COX16: variants seen among roughly 807,000 people sequenced by gnomAD.
COX16 encodes the protein cytochrome c oxidase assembly protein COX16 homolog, mitochondrial.
Under a neutral mutation model 15.4 loss-of-function variants are expected in COX16, and 12 were observed. The ratio of observed to expected loss-of-function variants is 0.78; its 90% confidence interval spans 0.50 to 1.26. COX16 has a LOEUF of 1.26. Among genes scored for constraint, COX16 ranks in the 50% most tolerant of loss-of-function variants. The pLI, the probability that COX16 is intolerant of heterozygous loss-of-function variation, is 0.00. For missense variants in COX16, 124 were observed against 127.6 expected (o/e 0.97, Z 0.14); for synonymous variants, 46 against 41.1 (o/e 1.12, Z -0.46).
intron 2 of COX16, among the ~76,000 whole-genome samples, chr14:70,330,148 T>C (rs558179030): frequency 1.3e-5 from 2 of 151,770 alleles, no homozygotes; most frequent in Admixed American, 1.3e-4. Context: ...CAAAGTGAAG[T>C]TGATTAAGAG....
chr14:70,356,383 G>C (rs1887126634), intron 1 of COX16, among the ~76,000 whole-genome samples: 1 of 152,070 alleles, frequency 6.6e-6, no homozygotes, highest in Non-Finnish European at 1.5e-5. Flanking sequence ...GTGGAGCTCA[G>C]GCAATAATGC....
chr14:70,351,429 T>C (rs1271795373), intron 1 of COX16, among the ~76,000 whole-genome samples: 7 of 152,214 alleles, frequency 4.6e-5, no homozygotes, highest in Non-Finnish European at 4.4e-5. Flanking sequence ...GTTTAACAAA[T>C]AGAATACTGC....
intron 2 of COX16, among the ~76,000 whole-genome samples, chr14:70,335,825 T>C (rs976455055): frequency 4.6e-5 from 7 of 152,130 alleles, no homozygotes; most frequent in African/African-American, 1.7e-4. Flanking sequence ...GAATTTCACA[T>C]ATATAATATT....
intron 1 of COX16, among the ~76,000 whole-genome samples, chr14:70,350,613 C>G (rs1886926282): frequency 6.6e-6 from 1 of 152,198 alleles, no homozygotes; most frequent in African/African-American, 2.4e-5. Flanking sequence ...TAAATGTATT[C>G]TCTAAAAACA....
intron 1 of COX16, among the ~76,000 whole-genome samples, chr14:70,347,142 C>T (rs758130335): frequency 6.6e-6 from 1 of 152,088 alleles, no homozygotes; most frequent in Non-Finnish European, 1.5e-5. Flanking sequence ...ATCCCCCAAG[C>T]AGCTCTCATA....
At chr14:70,357,756 G>A (rs1424258780) in intron 1 of COX16, among the ~76,000 whole-genome samples, 1 of 152,282 alleles carries the variant, frequency 6.6e-6, no homozygotes, top group Non-Finnish European at 1.5e-5. Context: ...ACAAGTGTTG[G>A]CAAGGATGTG....
At chr14:70,334,348 C>T (rs1042526977) in intron 2 of COX16, among the ~76,000 whole-genome samples, 4 of 152,068 alleles carry the variant, frequency 2.6e-5, no homozygotes, top group Non-Finnish European at 5.9e-5. Flanking sequence ...CATGGCAAAA[C>T]CCCGTCTCTA....
At position 70,326,167 on chromosome 14, in the gene COX16, A is replaced by T; in HGVS notation, c.*166T>A. The T allele has an allele frequency of 2.3e-6, 1 of 429,390 alleles. No homozygotes were observed. Among genetic ancestry groups the T allele is most frequent in the Non-Finnish European group, 3.8e-6 (1 of 265,336 alleles). 26.6% of individuals were successfully genotyped at this position (429,390 alleles called of 1,614,324 possible). A position where few individuals can be genotyped will look rare whatever the true frequency, so the allele number is the denominator to read the frequency against. ...AGATGGAATAGCTGGGAAGTATAAAAACCTGTACATGACCTTTAGTGAAGA... is the reference window on the plus strand; with the variant it reads ...AGATGGAATAGCTGGGAAGTATAAATACCTGTACATGACCTTTAGTGAAGA... On this transcript the variant is annotated 3_prime_UTR_variant, in exon 4 of 4. Transcript: ENST00000389912.
intron 1 of COX16, among the ~76,000 whole-genome samples, chr14:70,353,322 G>A (rs1170971013): frequency 5.4e-5 from 8 of 149,358 alleles, no homozygotes; most frequent in Non-Finnish European, 8.9e-5. Flanking sequence ...TTCTGAAGCT[G>A]AAAGATGTAG....
At chr14:70,342,559 A>C in intron 2 of COX16, 99 bp downstream of exon 2, 1 of 1,162,946 alleles carries the variant, frequency 8.6e-7, no homozygotes, top group Non-Finnish European at 1.2e-6. Context: ...TTGAAAAGCA[A>C]GACAAACTCA....
Position 70,326,381 on chromosome 14 carries a change from G to A in COX16, c.273C>T (p.Asp91=). ...IRGPRPWEDP[D]LLQGRNPESL... ...TTTCTGGATTTCTTCCTTGGAGGAG[G>A]TCAGGATCTTCCCAAGGCCTGGGTC... The change falls in exon 4 of 4, where the codon GAC becomes GAT. Residue 91 remains aspartate, a synonymous_variant. Transcript: ENST00000389912. The A allele has an allele frequency of 6.3e-7, 1 of 1,597,264 alleles. No individual in the cohort carries two copies. Among genetic ancestry groups the A allele is most frequent in the East Asian group, 2.3e-5 (1 of 44,206 alleles).
intron 1 of COX16, among the ~76,000 whole-genome samples, chr14:70,344,984 C>T (rs1392385039): frequency 1.3e-5 from 2 of 150,256 alleles, no homozygotes; most frequent in Non-Finnish European, 1.5e-5. Flanking sequence ...TCCTCACCAC[C>T]TCATGTTGTC....
chr14:70,357,157 T>G (rs1887148431), intron 1 of COX16, among the ~76,000 whole-genome samples: 1 of 33,964 alleles, frequency 2.9e-5, no homozygotes, highest in Non-Finnish European at 6.5e-5. Context: ...GAAGCGTTTG[T>G]CAAAAAAAAA....
intron 1 of COX16, among the ~76,000 whole-genome samples, chr14:70,346,683 T>C (rs1010811421): frequency 2.0e-5 from 3 of 152,170 alleles, no homozygotes; most frequent in African/African-American, 7.2e-5. Context: ...CAGTATTTTT[T>C]TTTTAATTAA....
At chr14:70,336,259 A>C (rs533598322) in intron 2 of COX16, among the ~76,000 whole-genome samples, 1 of 115,690 alleles carries the variant, frequency 8.6e-6, no homozygotes, top group South Asian at 3.3e-4. Flanking sequence ...TCGTCTCAAA[A>C]AAACAAAAAA....
chr14:70,328,071 G>GTTTTTTTTTTTTT (rs1594905215), intron 3 of COX16: 4 of 59,068 alleles, frequency 6.8e-5, no homozygotes, highest in African/African-American at 2.1e-4. Flanking sequence ...CTGAGAATAA[G>GTTTTTTTTTTTTT]ATTTTTTTTT....
At chr14:70,334,983 T>C (rs1886404965) in intron 2 of COX16, among the ~76,000 whole-genome samples, 1 of 151,670 alleles carries the variant, frequency 6.6e-6, no homozygotes, top group African/African-American at 2.4e-5. Context: ...AAGATACACA[T>C]AAACTGCAAG....
intron 1 of COX16, among the ~76,000 whole-genome samples, chr14:70,357,790 C>A (rs554949385): frequency 2.0e-5 from 3 of 152,250 alleles, no homozygotes; most frequent in Admixed American, 2.0e-4. Context: ...TCATATCTTG[C>A]TGGTGGGAAT....
intron 2 of COX16, among the ~76,000 whole-genome samples, 192 bp downstream of exon 2, chr14:70,342,466 C>T (rs924146490): frequency 2.6e-5 from 4 of 152,098 alleles, no homozygotes; most frequent in South Asian, 4.2e-4. Flanking sequence ...AGAAAGATTA[C>T]GAAATTAGTT....
Sources: allele counts gnomAD v4.1 joint callset (sites outside exome capture counted in the v4.1 genomes callset), GRCh38; gene constraint gnomAD v4.1.1; transcripts MANE v1.5; gene names NCBI Gene and HGNC (gene_info 2026-07-23, HGNC 2026-07-21).